The following ABTB3 variants were observed in gnomAD, a reference collection of about 807,000 sequenced individuals.
ABTB3 encodes the protein ankyrin repeat- and BTB/POZ domain-containing protein 3.
chr12:107,416,222 C>T, the ABTB3 span, among the ~76,000 whole-genome samples: 2 of 152,174 alleles, frequency 1.3e-5, no homozygotes, highest in African/African-American at 4.8e-5. Flanking sequence ...TTCCATATTT[C>T]CTTCCATTCC....
chr12:107,354,339 C>G, the ABTB3 span, among the ~76,000 whole-genome samples: 1 of 152,178 alleles, frequency 6.6e-6, no homozygotes, highest in African/African-American at 2.4e-5. Context: ...TCTTAGGACA[C>G]TTTGCCCCCA....
the ABTB3 span, among the ~76,000 whole-genome samples, chr12:107,464,706 T>G: frequency 6.6e-6 from 1 of 152,196 alleles, no homozygotes; most frequent in Non-Finnish European, 1.5e-5. Flanking sequence ...CAGCAGGTGC[T>G]AAGACCCTGA....
chr12:107,334,926 T>C, the ABTB3 span, among the ~76,000 whole-genome samples: 1 of 152,150 alleles, frequency 6.6e-6, no homozygotes, highest in South Asian at 2.1e-4. Flanking sequence ...TTACTCCCAT[T>C]GTACCCCCAA....
the ABTB3 span, among the ~76,000 whole-genome samples, chr12:107,393,208 C>T: frequency 0.061 from 9,272 of 152,148 alleles, 817 homozygotes; most frequent in East Asian, 0.43. Flanking sequence ...TCATCACCTC[C>T]TGTCTTAAAA....
the ABTB3 span, among the ~76,000 whole-genome samples, chr12:107,642,575 T>C: frequency 6.6e-6 from 1 of 152,250 alleles, no homozygotes; most frequent in Non-Finnish European, 1.5e-5. Context: ...TCTTATGAGC[T>C]AAAACATCCA....
the ABTB3 span, among the ~76,000 whole-genome samples, chr12:107,623,508 A>C: frequency 3.3e-5 from 5 of 151,868 alleles, no homozygotes; most frequent in African/African-American, 1.2e-4. Flanking sequence ...CTGGGATTAC[A>C]GGCACCCACC....
chr12:107,319,914 C>A, the ABTB3 span: 4 of 1,459,130 alleles, frequency 2.7e-6, no homozygotes, highest in South Asian at 4.2e-5. Flanking sequence ...GCCGCAGTCC[C>A]GCCGGCAGCC....
the ABTB3 span, among the ~76,000 whole-genome samples, chr12:107,385,178 TTGAG>T: frequency 6.6e-6 from 1 of 152,180 alleles, no homozygotes; most frequent in Non-Finnish European, 1.5e-5. Flanking sequence ...CATTTAGGTA[TTGAG>T]TAAGTGACAG....
chr12:107,319,199 T>C, the ABTB3 span: 2 of 1,591,248 alleles, frequency 1.3e-6, no homozygotes, highest in South Asian at 2.2e-5. Context: ...CGGCCAGCAC[T>C]GCTCGCGGCT....
the ABTB3 span, among the ~76,000 whole-genome samples, chr12:107,347,656 A>G: frequency 6.6e-6 from 1 of 152,236 alleles, no homozygotes; most frequent in East Asian, 1.9e-4. Flanking sequence ...CAGGAGTTAG[A>G]AACTCCCAAG....
chr12:107,641,764 G>A, the ABTB3 span, among the ~76,000 whole-genome samples: 5 of 152,202 alleles, frequency 3.3e-5, no homozygotes, highest in African/African-American at 9.7e-5. Context: ...CCTAGGCTCA[G>A]GAGAGATGCC....
the ABTB3 span, among the ~76,000 whole-genome samples, chr12:107,360,472 G>A: frequency 6.6e-6 from 1 of 152,112 alleles, no homozygotes; most frequent in Non-Finnish European, 1.5e-5. Flanking sequence ...TTTCCTGAAT[G>A]TTTTCTCTAG....
chr12:107,579,681 T>A, the ABTB3 span, among the ~76,000 whole-genome samples: 1 of 152,206 alleles, frequency 6.6e-6, no homozygotes, highest in South Asian at 2.1e-4. Flanking sequence ...CTACCTGTCA[T>A]CCTCTTCTCA....
At chr12:107,391,374 C>T in the ABTB3 span, among the ~76,000 whole-genome samples, 1 of 152,166 alleles carries the variant, frequency 6.6e-6, no homozygotes, top group Non-Finnish European at 1.5e-5. Context: ...CGGACCACCT[C>T]TTGTAAGGGA....
chr12:107,319,273 G>T, the ABTB3 span: 6 of 1,548,712 alleles, frequency 3.9e-6, no homozygotes, highest in Admixed American at 1.9e-5. Flanking sequence ...TGCTGCGTTC[G>T]CGGGATCCCC....
chr12:107,366,666 A>T, the ABTB3 span, among the ~76,000 whole-genome samples: 1 of 152,218 alleles, frequency 6.6e-6, no homozygotes, highest in African/African-American at 2.4e-5. Context: ...TAATTGGGAG[A>T]TTTAGCAAAC....
the ABTB3 span, among the ~76,000 whole-genome samples, chr12:107,485,416 G>T: frequency 6.6e-6 from 1 of 152,142 alleles, no homozygotes; most frequent in Admixed American, 6.5e-5. Flanking sequence ...AATCACATGG[G>T]TACTACCTCA....
the ABTB3 span, among the ~76,000 whole-genome samples, chr12:107,525,797 T>C: frequency 6.2e-4 from 94 of 152,326 alleles, 1 homozygote; most frequent in African/African-American, 2.2e-3. Context: ...GTCCAGTCTG[T>C]TATGGCTTGA....
the ABTB3 span, among the ~76,000 whole-genome samples, chr12:107,574,432 C>T: frequency 1.3e-5 from 2 of 152,204 alleles, no homozygotes; most frequent in Non-Finnish European, 2.9e-5. Flanking sequence ...ATTAGAAATG[C>T]AGAATCTCAG....
Sources: gnomAD v4.1 joint callset for allele counts (sites outside exome capture counted in the v4.1 genomes callset) on GRCh38, gnomAD v4.1.1 for gene constraint, MANE v1.5 for transcripts, NCBI Gene and HGNC (gene_info 2026-07-23, HGNC 2026-07-21) for gene names.